The following STK4 variants were observed in gnomAD, a reference collection of about 807,000 sequenced individuals.
The protein encoded by STK4 is serine/threonine-protein kinase 4.
STK4 carries 30 observed loss-of-function variants against 64.9 expected under a neutral mutation model. That is an observed-to-expected ratio of 0.46 (90% confidence interval 0.35 to 0.63). The LOEUF is 0.63. Ranked by LOEUF, STK4 falls within the 20% of genes least tolerant of loss-of-function variation. The pLI is 0.01. For missense variants in STK4, 466 were observed against 598.5 expected, an observed-to-expected ratio of 0.78 and a Z score of 2.31; for synonymous variants, 177 against 199.0, an observed-to-expected ratio of 0.89 and a Z score of 0.93.
intron 5 of STK4, among the ~76,000 whole-genome samples, chr20:44,992,811 C>T (rs1382301812): frequency 1.3e-5 from 2 of 152,114 alleles, no homozygotes; most frequent in East Asian, 1.9e-4. Context: ...TCTCGTGCTT[C>T]AGCCTCCCGA....
intron 10 of STK4, among the ~76,000 whole-genome samples, chr20:45,052,917 T>C (rs1978295651): frequency 6.6e-6 from 1 of 152,226 alleles, no homozygotes; most frequent in African/African-American, 2.4e-5. Context: ...ACTGAAGTAG[T>C]CCTGTCGAGC....
chr20:44,997,577 C>A (rs1240412659), intron 7 of STK4, among the ~76,000 whole-genome samples: 2 of 152,174 alleles, frequency 1.3e-5, no homozygotes, highest in Non-Finnish European at 2.9e-5. Flanking sequence ...GTAGTTCCAG[C>A]TACCTGGAAG....
At chr20:45,042,215 C>CTCT (rs11472337) in intron 10 of STK4, among the ~76,000 whole-genome samples, 65,882 of 151,414 alleles carry the variant, frequency 0.44, 14,871 homozygotes, top group Middle Eastern at 0.52. Context: ...ATATTTTTCA[C>CTCT]TCTTCTTTTG....
chr20:45,058,602 T>C (rs1179995806), intron 10 of STK4, among the ~76,000 whole-genome samples: 3 of 152,214 alleles, frequency 2.0e-5, no homozygotes, highest in African/African-American at 7.2e-5. Context: ...CTTTGGGCTT[T>C]TTTTATTTGG....
chr20:45,062,989 C>CTTGTTTTTTTT (rs1979211481), intron 10 of STK4, among the ~76,000 whole-genome samples: 1 of 31,500 alleles, frequency 3.2e-5, no homozygotes, highest in Non-Finnish European at 5.8e-5. Flanking sequence ...CGCACCCGGC[C>CTTGTTTTTTTT]TTTTTTTTTT....
At position 44,968,242 on chromosome 20, in the gene STK4, A is replaced by G. The variant is rs531448611; in HGVS notation, c.35+1639A>G. On this transcript the variant is annotated intron_variant, in intron 1 of 10. Transcript: ENST00000372806. ...TACTTCCGCCTTCTGGGTTCAAGCGATTCTCCTGCCTCAGCCTCCTGTGTA... is the reference window on the plus strand; with the variant it reads ...TACTTCCGCCTTCTGGGTTCAAGCGGTTCTCCTGCCTCAGCCTCCTGTGTA... 8.7e-4 allele frequency among the ~76,000 whole-genome samples: 132 copies of G among 151,818 alleles called. 1 individual carries two copies. The highest frequency in any genetic ancestry group is 4.8e-3 in the South Asian group (23 of 4,814).
In STK4 at chr20:45,075,579, A is replaced by G. The variant is rs1980450218; in HGVS notation, c.*403A>G. Reference sequence around the variant, plus strand: ...TATATAAATTATAAATAGATTCCCCACGCAGTGTGGTGGCATCTCTGTACA... The same window carrying G: ...TATATAAATTATAAATAGATTCCCCGCGCAGTGTGGTGGCATCTCTGTACA... On this transcript the variant is annotated 3_prime_UTR_variant, in exon 11 of 11. Coordinates refer to ENST00000372806, the MANE Select transcript of STK4 (RefSeq NM_006282.5). 6.5e-6 allele frequency: 1 copy of G among 153,706 alleles called. No homozygotes were observed. The highest frequency in any genetic ancestry group is 1.5e-5 in the Non-Finnish European group (1 of 68,834). 9.5% of individuals were successfully genotyped at this position (153,706 alleles called of 1,614,324 possible).
chr20:45,034,523 A>G (rs2068495751), intron 10 of STK4, among the ~76,000 whole-genome samples: 3 of 152,224 alleles, frequency 2.0e-5, no homozygotes, highest in Admixed American at 1.3e-4. Context: ...TATGCAAGAT[A>G]CTTTTGAACA....
At chr20:45,063,659 T>A (rs1230899448) in intron 10 of STK4, among the ~76,000 whole-genome samples, 1 of 152,196 alleles carries the variant, frequency 6.6e-6, no homozygotes, top group Admixed American at 6.5e-5. Context: ...CGTCATGAAA[T>A]CTTTGCCAGG....
In STK4 at chr20:45,011,427, T is replaced by G. The variant is rs562540122; in HGVS notation, c.1147+10074T>G. 2.0e-5 allele frequency among the ~76,000 whole-genome samples: 3 copies of G among 152,160 alleles called. No homozygotes were observed. The South Asian group carries it at 6.2e-4, about 32-fold the overall frequency. On this transcript the variant is annotated intron_variant, in intron 9 of 10. Transcript: ENST00000372806. ...TAACCGCAGTGACACTAGGGCAATG[T>G]CTTTATTTTATTTAGTTGGGAGATT...
chr20:44,982,259 G>A (rs1373435260), intron 4 of STK4, among the ~76,000 whole-genome samples: 1 of 151,632 alleles, frequency 6.6e-6, no homozygotes, highest in Non-Finnish European at 1.5e-5. Flanking sequence ...TGGGACTACA[G>A]GCGTGTACCA....
intron 10 of STK4, among the ~76,000 whole-genome samples, chr20:45,036,011 T>A (rs539532766): frequency 2.0e-5 from 3 of 152,280 alleles, no homozygotes; most frequent in Non-Finnish European, 4.4e-5. Context: ...ATAGGAAGAA[T>A]AAGTTCAAGA....
Position 44,992,241 on chromosome 20 carries a change from T to A in STK4, c.526-2849T>A, listed in dbSNP as rs560873588. ...TAGAATGGTTAATCTATGTTTTTTT[T>A]ATTTTTTATTATTTTATTTTATTTT... On this transcript the variant is annotated intron_variant, in intron 5 of 10. Transcript: ENST00000372806. Among the ~76,000 whole-genome samples, 32 of 150,352 alleles carry A rather than the reference T, an allele frequency of 2.1e-4. No individual in the cohort carries two copies. In the East Asian group the frequency reaches 4.6e-3, roughly 22 times the overall value.
chr20:44,992,422 T>C (rs1476761617), intron 5 of STK4, among the ~76,000 whole-genome samples: 1 of 150,934 alleles, frequency 6.6e-6, no homozygotes, highest in Non-Finnish European at 1.5e-5. Context: ...CTTCGCCCAG[T>C]TAAAATTTTA....
At chr20:45,056,010 C>T (rs776234732) in intron 10 of STK4, among the ~76,000 whole-genome samples, 2 of 152,168 alleles carry the variant, frequency 1.3e-5, no homozygotes, top group Admixed American at 1.3e-4. Flanking sequence ...GGATTACCAG[C>T]GTGAGCCCCC....
chr20:44,993,421 C>A (rs1054710700), intron 5 of STK4, among the ~76,000 whole-genome samples: 2 of 152,124 alleles, frequency 1.3e-5, no homozygotes, highest in Non-Finnish European at 2.9e-5. Flanking sequence ...TCCAAGTAAC[C>A]ATTTCTAATT....
chr20:45,074,769 G>A (rs1268751346), intron 10 of STK4, among the ~76,000 whole-genome samples: 2 of 152,116 alleles, frequency 1.3e-5, no homozygotes, highest in East Asian at 3.9e-4. Flanking sequence ...TCTTGGTCAA[G>A]GCACATTAAA....
chr20:45,074,957 C>T (rs1446156949), intron 10 of STK4, 61 bp from the exon 11 acceptor site: 6 of 1,600,926 alleles, frequency 3.7e-6, no homozygotes, highest in Middle Eastern at 1.7e-4. Flanking sequence ...GGCTGGGCTT[C>T]TGCACTGTTC....
intron 9 of STK4, among the ~76,000 whole-genome samples, chr20:45,002,555 A>G (rs2067860017): frequency 6.6e-6 from 1 of 152,214 alleles, no homozygotes; most frequent in South Asian, 2.1e-4. Flanking sequence ...TACAGATTTG[A>G]CAGATTTGCC....
Sources: gnomAD v4.1 joint callset for allele counts (sites outside exome capture counted in the v4.1 genomes callset) on GRCh38, gnomAD v4.1.1 for gene constraint, MANE v1.5 for transcripts, NCBI Gene and HGNC (gene_info 2026-07-23, HGNC 2026-07-21) for gene names.